The following NDUFAF2 variants were observed in gnomAD, a reference collection of about 807,000 sequenced individuals.
The protein encoded by NDUFAF2 is NADH:ubiquinone oxidoreductase complex assembly factor 2.
NDUFAF2 carries 13 observed loss-of-function variants against 22.8 expected under a neutral mutation model. The ratio of observed to expected loss-of-function variants is 0.57; its 90% CI spans 0.37 to 0.91. The LOEUF is 0.91. NDUFAF2 is among the 40% of genes least tolerant of loss of function. The pLI, the probability that NDUFAF2 is intolerant of heterozygous loss-of-function variation, is 0.01. For synonymous variants in NDUFAF2, 53 were observed against 64.2 expected (o/e 0.83, Z 0.84); for missense variants, 162 against 195.2 (o/e 0.83, Z 1.01).
chr5:60,962,508 A>G (rs867140308), intron 1 of NDUFAF2, among the ~76,000 whole-genome samples: 14 of 152,052 alleles, frequency 9.2e-5, no homozygotes, highest in African/African-American at 1.2e-4. Context: ...GAGATTTGCA[A>G]TTTTACTTTG....
At chr5:61,114,061 G>A (rs1342977485) in intron 3 of NDUFAF2, among the ~76,000 whole-genome samples, 2 of 152,016 alleles carry the variant, frequency 1.3e-5, no homozygotes, top group South Asian at 2.1e-4. Flanking sequence ...CTTGAATATT[G>A]ATATCTTTCT....
At chr5:61,059,445 T>G (rs1389795440) in intron 1 of NDUFAF2, among the ~76,000 whole-genome samples, 1 of 152,078 alleles carries the variant, frequency 6.6e-6, no homozygotes, top group African/African-American at 2.4e-5. Context: ...ATTAATGAAG[T>G]CCAGTTTAAA....
intron 1 of NDUFAF2, among the ~76,000 whole-genome samples, chr5:60,971,939 C>A (rs1017134216): frequency 7.3e-6 from 1 of 137,520 alleles, no homozygotes; most frequent in African/African-American, 2.7e-5. Flanking sequence ...GCCCCCCTCC[C>A]TTTTTTTTTT....
rs182360271 is a variant in NDUFAF2, at chr5:60,985,548, G to A, written c.127+40166G>A. 1.8e-4 allele frequency among the ~76,000 whole-genome samples: 28 copies of A among 152,096 alleles called. 1 individual carries two copies. The highest frequency in any genetic ancestry group is 4.3e-4 in the African/African-American group (18 of 41,458). Reference sequence around the variant, plus strand: ...TGGGCATCTAGTGCTATAAATTTCCGTCTACACACTGCTTTAAATGTGTCC... The same window carrying A: ...TGGGCATCTAGTGCTATAAATTTCCATCTACACACTGCTTTAAATGTGTCC... On this transcript the variant is annotated intron_variant, in intron 1 of 3. Transcript: ENST00000296597.
At chr5:61,071,288 C>T (rs572712103) in intron 1 of NDUFAF2, among the ~76,000 whole-genome samples, 4 of 152,216 alleles carry the variant, frequency 2.6e-5, no homozygotes, top group African/African-American at 9.6e-5. Context: ...CTTGGGGAAC[C>T]TCTGCGTTAG....
chr5:61,137,239 C>A lies in NDUFAF2; in HGVS notation c.259-15465C>A, dbSNP rs921084602. ...TTGGCTTCAGCCACTACATATACTT[C>A]CAGATTTCCAGCACTGGCCTCTCTC... On this transcript the variant is annotated intron_variant, in intron 3 of 3. Transcript: ENST00000296597. Among the ~76,000 whole-genome samples, 4 of 152,188 alleles carry A rather than the reference C, an allele frequency of 2.6e-5. 1 individual carries two copies. Among genetic ancestry groups the A allele is most frequent in the African/African-American group, 9.7e-5 (4 of 41,450 alleles).
intron 2 of NDUFAF2, among the ~76,000 whole-genome samples, chr5:61,080,720 T>C (rs994337480): frequency 2.0e-5 from 3 of 152,146 alleles, no homozygotes; most frequent in Non-Finnish European, 1.5e-5. Context: ...TTTGAGAATT[T>C]CCTATGTATC....
intron 1 of NDUFAF2, among the ~76,000 whole-genome samples, chr5:60,985,711 G>A (rs147574986): frequency 2.0e-5 from 3 of 152,224 alleles, no homozygotes; most frequent in African/African-American, 7.2e-5. Context: ...GGTTTTGAAT[G>A]AGTTTCTTAA....
At chr5:61,104,290 G>A (rs975621553) in intron 3 of NDUFAF2, among the ~76,000 whole-genome samples, 1 of 151,918 alleles carries the variant, frequency 6.6e-6, no homozygotes, top group Non-Finnish European at 1.5e-5. Flanking sequence ...TTGAAATATT[G>A]CTTCTTTTTT....
chr5:60,965,384 A>AC (rs1750746871), intron 1 of NDUFAF2, among the ~76,000 whole-genome samples: 2 of 152,174 alleles, frequency 1.3e-5, no homozygotes, highest in Non-Finnish European at 2.9e-5. Flanking sequence ...TGGTGAGAAC[A>AC]CTTAAGATCT....
intron 2 of NDUFAF2, among the ~76,000 whole-genome samples, chr5:61,089,606 A>G (rs941760430): frequency 9.9e-5 from 15 of 152,122 alleles, no homozygotes; most frequent in African/African-American, 3.6e-4. Flanking sequence ...CATTTCAAGT[A>G]TCTGGTTATT....
intron 1 of NDUFAF2, among the ~76,000 whole-genome samples, chr5:61,047,747 A>G (rs1751971586): frequency 6.6e-6 from 1 of 152,198 alleles, no homozygotes. Flanking sequence ...TTCCAGAATC[A>G]TATTTCATTC....
intron 1 of NDUFAF2, among the ~76,000 whole-genome samples, chr5:60,993,032 C>G (rs1015247878): frequency 6.6e-6 from 1 of 152,226 alleles, no homozygotes; most frequent in African/African-American, 2.4e-5. Flanking sequence ...GCTCAGGCTA[C>G]TGGTCTGGAT....
intron 1 of NDUFAF2, among the ~76,000 whole-genome samples, chr5:60,958,090 G>A (rs1461440502): frequency 6.6e-6 from 1 of 152,236 alleles, no homozygotes; most frequent in South Asian, 2.1e-4. Flanking sequence ...CTGTTCACTT[G>A]TGCTAATTCA....
chr5:61,020,593 GTGTT>G (rs1473844291), intron 1 of NDUFAF2, among the ~76,000 whole-genome samples: 25 of 151,926 alleles, frequency 1.6e-4, no homozygotes, highest in Non-Finnish European at 3.4e-4. Flanking sequence ...ACGCATGTGT[GTGTT>G]TAAGAGATGA....
intron 2 of NDUFAF2, among the ~76,000 whole-genome samples, chr5:61,073,587 G>A (rs1301505428): frequency 6.6e-6 from 1 of 152,190 alleles, no homozygotes; most frequent in East Asian, 1.9e-4. Flanking sequence ...AACTTGCAAA[G>A]TAACTTAAAC....
At chr5:61,111,744 GAGTAGCTGGGACTAC>G (rs1342131015) in intron 3 of NDUFAF2, among the ~76,000 whole-genome samples, 2 of 151,808 alleles carry the variant, frequency 1.3e-5, no homozygotes, top group Non-Finnish European at 2.9e-5. Context: ...TCAGCCTCCT[GAGTAGCTGGGACTAC>G]AGGCAGGTGC....
chr5:61,088,316 T>C (rs997168343), intron 2 of NDUFAF2, among the ~76,000 whole-genome samples: 4 of 152,110 alleles, frequency 2.6e-5, no homozygotes, highest in African/African-American at 9.7e-5. Context: ...CGTGTTCTTA[T>C]AATTAGAATT....
At chr5:60,979,506 A>G (rs1379186040) in intron 1 of NDUFAF2, among the ~76,000 whole-genome samples, 1 of 152,164 alleles carries the variant, frequency 6.6e-6, no homozygotes, top group Non-Finnish European at 1.5e-5. Context: ...CCTTGAGTGA[A>G]CAATGGTGGT....
Sources: allele counts gnomAD v4.1 joint callset (sites outside exome capture counted in the v4.1 genomes callset), GRCh38; gene constraint gnomAD v4.1.1; transcripts MANE v1.5; gene names NCBI Gene and HGNC (gene_info 2026-07-23, HGNC 2026-07-21).